Variants in CLASP1 observed in about 807,000 individuals in gnomAD.
CLASP1 encodes CLIP-associating protein 1.
A neutral mutation model predicts 192.3 loss-of-function variants in CLASP1; 38 were observed. That is an observed-to-expected ratio of 0.20 (90% CI 0.15 to 0.26). The LOEUF (loss-of-function observed/expected upper bound fraction) is 0.26, where lower values mean the gene tolerates loss of function less well. Ranked by LOEUF, CLASP1 falls within the 10% of genes least tolerant of loss-of-function variation. The pLI is 1.00. For missense variants in CLASP1, 1,433 were observed against 1,932.5 expected (o/e 0.74, Z 4.85); for synonymous variants, 691 against 712.8 (o/e 0.97, Z 0.49).
chr2:121,475,249 CA>C (rs1216360457), intron 8 of CLASP1, among the ~76,000 whole-genome samples: 1 of 152,182 alleles, frequency 6.6e-6, no homozygotes. Context: ...GAAACACCTG[CA>C]AAGGCTTTTG....
chr2:121,586,092 T>G (rs1484100670), intron 2 of CLASP1, among the ~76,000 whole-genome samples: 2 of 152,104 alleles, frequency 1.3e-5, no homozygotes, highest in Non-Finnish European at 1.5e-5. Context: ...AATACAAACA[T>G]AGCTGACATG....
At chr2:121,622,814 G>A (rs895898531) in intron 1 of CLASP1, among the ~76,000 whole-genome samples, 3 of 152,262 alleles carry the variant, frequency 2.0e-5, no homozygotes, top group Admixed American at 1.3e-4. Context: ...CATACCATCT[G>A]CAAATAGAGA....
intron 2 of CLASP1, among the ~76,000 whole-genome samples, chr2:121,592,478 T>C (rs749189831): frequency 1.4e-4 from 21 of 152,220 alleles, no homozygotes; most frequent in Non-Finnish European, 2.6e-4. Context: ...GTGATAACTA[T>C]CAAAATATTC....
chr2:121,338,781 A>G (rs2149063692), exon 40 of CLASP1: 1 of 152,306 alleles, frequency 6.6e-6, no homozygotes, highest in Non-Finnish European at 1.5e-5. Context: ...CTTTCTAAGT[A>G]CACTGGGGAC....
intron 2 of CLASP1, among the ~76,000 whole-genome samples, chr2:121,563,923 G>A (rs2059301012): frequency 6.6e-6 from 1 of 152,206 alleles, no homozygotes; most frequent in Non-Finnish European, 1.5e-5. Flanking sequence ...CACAATCATG[G>A]GGGAAGGCAA....
At chr2:121,437,449 A>G (rs1426430894) in intron 19 of CLASP1, among the ~76,000 whole-genome samples, 1 of 152,190 alleles carries the variant, frequency 6.6e-6, no homozygotes, top group Admixed American at 6.5e-5. Flanking sequence ...TTTAAGATCT[A>G]GATTAAAGCT....
At chr2:121,376,829 T>A (rs776277903) in intron 34 of CLASP1, among the ~76,000 whole-genome samples, 1 of 152,170 alleles carries the variant, frequency 6.6e-6, no homozygotes, top group Non-Finnish European at 1.5e-5. Flanking sequence ...GAACTGTGCA[T>A]GCGAGGGGAT....
At chr2:121,358,530 C>T (rs2065819265) in intron 37 of CLASP1, among the ~76,000 whole-genome samples, 2 of 152,170 alleles carry the variant, frequency 1.3e-5, no homozygotes, top group South Asian at 4.1e-4. Context: ...GGTATTTGAT[C>T]ACATATCTTC....
At chr2:121,462,427 A>C in intron 10 of CLASP1, 105 bp downstream of exon 10, 1 of 652,060 alleles carries the variant, frequency 1.5e-6, no homozygotes, top group Non-Finnish European at 2.7e-6. Context: ...TGACAGTTAA[A>C]ATTACCTGAC....
chr2:121,370,914 A>ACACT (rs1455731010), intron 34 of CLASP1, among the ~76,000 whole-genome samples: 1 of 152,200 alleles, frequency 6.6e-6, no homozygotes, highest in Non-Finnish European at 1.5e-5. Context: ...CTGAAACAGG[A>ACACT]CACTGGGTGC....
intron 22 of CLASP1, among the ~76,000 whole-genome samples, chr2:121,422,195 A>G (rs2079621936): frequency 6.6e-6 from 1 of 152,210 alleles, no homozygotes. Context: ...GAAGGGTCCA[A>G]CCAGGACTCA....
chr2:121,453,881 C>T (rs1052602107), intron 14 of CLASP1, among the ~76,000 whole-genome samples: 1 of 152,214 alleles, frequency 6.6e-6, no homozygotes, highest in Non-Finnish European at 1.5e-5. Flanking sequence ...GCCTTGCTTA[C>T]ACTGCTCTCT....
chr2:121,487,756 C>T (rs994642511), intron 8 of CLASP1, among the ~76,000 whole-genome samples: 19 of 152,180 alleles, frequency 1.2e-4, no homozygotes, highest in African/African-American at 4.6e-4. Context: ...AGTTATGCTC[C>T]CCTCCTTTAG....
intron 2 of CLASP1, among the ~76,000 whole-genome samples, chr2:121,540,536 C>T (rs574194370): frequency 1.3e-5 from 2 of 152,182 alleles, no homozygotes; most frequent in South Asian, 2.1e-4. Flanking sequence ...CACCTGTAAT[C>T]TCAGCACTTT....
intron 38 of CLASP1, 117 bp downstream of exon 39, chr2:121,348,395 G>A (rs2063749074): frequency 9.0e-6 from 8 of 885,774 alleles, no homozygotes; most frequent in Non-Finnish European, 1.4e-5. Context: ...CACAGGTCCT[G>A]CCTGGTTTTT....
intron 2 of CLASP1, among the ~76,000 whole-genome samples, chr2:121,552,559 A>AT (rs1400943951): frequency 6.6e-6 from 1 of 152,236 alleles, no homozygotes; most frequent in African/African-American, 2.4e-5. Flanking sequence ...AAAAGAAGAC[A>AT]TACATGCAGC....
intron 8 of CLASP1, among the ~76,000 whole-genome samples, chr2:121,477,140 G>A (rs1350797179): frequency 2.0e-5 from 3 of 152,156 alleles, no homozygotes; most frequent in Non-Finnish European, 4.4e-5. Context: ...CCCTGGAGTA[G>A]GGACCACTTT....
rs769219094 is a variant in CLASP1, at chr2:121,530,949, G to C, written c.196-624C>G. On this transcript the variant is annotated intron_variant, in intron 2 of 39. Transcript: ENST00000263710. ...AGTGAGGGCAGTACTGCTAACGCCT[G>C]AACAACACACCCGCATCAACTAGAG... The C allele has an allele frequency of 5.6e-5, 39 of 700,268 alleles. No individual in the cohort carries two copies. The highest frequency in any genetic ancestry group is 4.8e-4 in the East Asian group (18 of 37,304). The allele number at this position is 700,268 out of a possible 1,614,324, so 43.4% of individuals were successfully genotyped here.
At chr2:121,532,264 A>T (rs1226310853) in intron 2 of CLASP1, 1 of 152,246 alleles carries the variant, frequency 6.6e-6, no homozygotes, top group Non-Finnish European at 1.5e-5. Context: ...TTATAAAGAG[A>T]ACAATTTGTA....
Sources: gnomAD v4.1 joint callset for allele counts (sites outside exome capture counted in the v4.1 genomes callset) on GRCh38, gnomAD v4.1.1 for gene constraint, MANE v1.5 for transcripts, NCBI Gene and HGNC (gene_info 2026-07-23, HGNC 2026-07-21) for gene names.